The following NETO2 variants were observed in gnomAD, a reference collection of about 807,000 sequenced individuals.
The protein encoded by NETO2 is neuropilin and tolloid-like protein 2.
A neutral mutation model predicts 62.5 loss-of-function variants in NETO2; 28 were observed. That is an observed-to-expected ratio of 0.45 (90% CI 0.33 to 0.61). NETO2 has a LOEUF of 0.61. Ranked by LOEUF, NETO2 falls within the 20% of genes least tolerant of loss-of-function variation. The pLI is 0.02. For synonymous variants in NETO2, 214 were observed against 219.1 expected, an observed-to-expected ratio of 0.98 and a Z score of 0.21; for missense variants, 548 against 643.2, an observed-to-expected ratio of 0.85 and a Z score of 1.60.
intron 6 of NETO2, among the ~76,000 whole-genome samples, chr16:47,113,585 C>CTTT (rs953891691): frequency 2.1e-3 from 226 of 106,554 alleles, no homozygotes; most frequent in African/African-American, 2.4e-3. Context: ...ACAGTTTATT[C>CTTT]TTTTTTTTTT....
At chr16:47,114,439 CTTTTTTTTTTTT>C (rs33994080) in intron 6 of NETO2, among the ~76,000 whole-genome samples, 19 of 37,928 alleles carry the variant, frequency 5.0e-4, no homozygotes, top group Admixed American at 2.2e-3. Flanking sequence ...TTATAAATTT[CTTTTTTTTTTTT>C]TTTTTTTTTT....
At position 47,109,417 on chromosome 16, in the gene NETO2, T is replaced by C. The variant is rs574184898; in HGVS notation, c.883+66A>G. On this transcript the variant is annotated intron_variant, in intron 7 of 8. Transcript: ENST00000562435. ...ATAAATATTTTAAAAAAGTAAATGC[T>C]GAGTGTACTGTGAATGAGTGAAAAA... 588 of 1,050,852 alleles carry C rather than the reference T, an allele frequency of 5.6e-4. 1 individual carries two copies. The Middle Eastern group carries it at 7.8e-3, about 14-fold the overall frequency. The allele number at this position is 1,050,852 out of a possible 1,614,324, so 65.1% of individuals were successfully genotyped here. A position where few individuals can be genotyped will look rare whatever the true frequency, so the allele number is the denominator to read the frequency against.
rs35399829 is a variant in NETO2, at chr16:47,078,730, T to TA, written c.*4490dup. On this transcript the variant is annotated 3_prime_UTR_variant, in exon 9 of 9. Coordinates refer to ENST00000562435, the MANE Select transcript of NETO2 (RefSeq NM_018092.5). ...CTAGAATACACGTCTCCTTTAGATT[T>TA]AAAAAAGATCAAAAAAGCAAGAACA... 1 of 152,210 alleles carries TA rather than the reference T, an allele frequency of 6.6e-6. No individual in the cohort carries two copies. Among genetic ancestry groups the TA allele is most frequent in the East Asian group, 1.9e-4 (1 of 5,188 alleles). 9.4% of individuals were successfully genotyped at this position (152,210 alleles called of 1,614,324 possible).
intron 4 of NETO2, among the ~76,000 whole-genome samples, chr16:47,124,272 G>A (rs529538732): frequency 3.8e-4 from 58 of 152,210 alleles, no homozygotes; most frequent in Middle Eastern, 3.4e-3. Flanking sequence ...ACGGCATGGC[G>A]GAGGGGAATC....
Position 47,081,592 on chromosome 16 carries a change from T to C in NETO2, c.*1629A>G, listed in dbSNP as rs1318263973. On this transcript the variant is annotated 3_prime_UTR_variant, in exon 9 of 9. Transcript: ENST00000562435. ...ATTTTCACTAATCTGAGAAAACACA[T>C]ATATGTAATATTTAAAAGTTAATGA... The C allele has an allele frequency of 6.6e-6, 1 of 152,576 alleles. No individual in the cohort carries two copies. The highest frequency in any genetic ancestry group is 1.5e-5 in the Non-Finnish European group (1 of 67,984). 9.5% of individuals were successfully genotyped at this position (152,576 alleles called of 1,614,324 possible). A position where few individuals can be genotyped will look rare whatever the true frequency, so the allele number is the denominator to read the frequency against.
chr16:47,125,607 A>G (rs952284481), intron 4 of NETO2, among the ~76,000 whole-genome samples: 6 of 152,128 alleles, frequency 3.9e-5, no homozygotes, highest in African/African-American at 1.4e-4. Flanking sequence ...CAGCCTCCCA[A>G]AGTGCTGGGA....
intron 1 of NETO2, among the ~76,000 whole-genome samples, chr16:47,142,012 C>T (rs1366836324): frequency 1.3e-5 from 2 of 152,194 alleles, no homozygotes; most frequent in Non-Finnish European, 2.9e-5. Flanking sequence ...GCGATTTCAT[C>T]CGGGGGTGCT....
chr16:47,087,948 G>T (rs964655707), intron 7 of NETO2, among the ~76,000 whole-genome samples: 1 of 152,072 alleles, frequency 6.6e-6, no homozygotes, highest in African/African-American at 2.4e-5. Flanking sequence ...GCTTACTTCT[G>T]TTAGGAAATA....
chr16:47,136,875 T>C (rs899697740), intron 1 of NETO2, among the ~76,000 whole-genome samples: 1 of 151,976 alleles, frequency 6.6e-6, no homozygotes, highest in African/African-American at 2.4e-5. Context: ...GAATTATGTA[T>C]ATATTTTGAG....
At chr16:47,137,283 C>T (rs959354138) in intron 1 of NETO2, among the ~76,000 whole-genome samples, 4 of 152,200 alleles carry the variant, frequency 2.6e-5, no homozygotes, top group Non-Finnish European at 5.9e-5. Flanking sequence ...CTTTCAGAGA[C>T]TCTGATCCAC....
intron 1 of NETO2, among the ~76,000 whole-genome samples, chr16:47,142,487 GA>G (rs1032031421): frequency 6.6e-6 from 1 of 152,098 alleles, no homozygotes; most frequent in African/African-American, 2.4e-5. Context: ...TAGGGAGCAG[GA>G]AAAAAGTCAC....
At chr16:47,119,136 AT>A (rs1159306262) in intron 6 of NETO2, among the ~76,000 whole-genome samples, 3 of 149,216 alleles carry the variant, frequency 2.0e-5, no homozygotes, top group Non-Finnish European at 3.0e-5. Context: ...TTCTAATATT[AT>A]TTATGTTTTT....
intron 6 of NETO2, among the ~76,000 whole-genome samples, chr16:47,118,110 T>C (rs1031345794): frequency 2.0e-5 from 3 of 152,158 alleles, no homozygotes; most frequent in Non-Finnish European, 2.9e-5. Context: ...TGTTAAAAAA[T>C]CCCTGGAGAA....
At chr16:47,120,891 ATTTT>A (rs922484238) in intron 6 of NETO2, among the ~76,000 whole-genome samples, 5 of 149,054 alleles carry the variant, frequency 3.4e-5, no homozygotes, top group African/African-American at 9.9e-5. Flanking sequence ...AGTTCTTGAA[ATTTT>A]TTTTTTCTTT....
rs139949233 is a variant in NETO2, at chr16:47,084,405, CAGG to C, written c.998-607_998-605del. The stretch of plus-strand genomic sequence containing the variant: ...CACAGACAGGAACTGGGTATCACTG[CAGG>C]AGGTGAGCTGCGAGTGAGCGAGTGA... On this transcript the variant is annotated intron_variant, in intron 8 of 8. Coordinates refer to ENST00000562435, the MANE Select transcript of NETO2 (RefSeq NM_018092.5). 3.3e-3 allele frequency among the ~76,000 whole-genome samples: 508 copies of C among 152,330 alleles called. 1 individual carries two copies. The highest frequency in any genetic ancestry group is 0.012 in the African/African-American group (482 of 41,572).
chr16:47,094,220 A>G (rs1963377840), intron 7 of NETO2, among the ~76,000 whole-genome samples: 1 of 151,782 alleles, frequency 6.6e-6, no homozygotes, highest in South Asian at 2.1e-4. Context: ...ACTTATGATA[A>G]GCAAAATAAA....
chr16:47,125,975 A>C (rs1013108685), intron 4 of NETO2, among the ~76,000 whole-genome samples: 3 of 152,096 alleles, frequency 2.0e-5, no homozygotes, highest in African/African-American at 7.2e-5. Context: ...ACACCCATTA[A>C]ACATTAACTC....
intron 1 of NETO2, among the ~76,000 whole-genome samples, chr16:47,143,294 G>A (rs1964502778): frequency 6.6e-6 from 1 of 152,014 alleles, no homozygotes; most frequent in South Asian, 2.1e-4. Context: ...GGCCCTGCTG[G>A]GCCCAGGGGC....
intron 8 of NETO2, among the ~76,000 whole-genome samples, chr16:47,084,726 G>A (rs1963147454): frequency 6.6e-6 from 1 of 152,186 alleles, no homozygotes; most frequent in Non-Finnish European, 1.5e-5. Flanking sequence ...AGAAGCCCAA[G>A]TGCATGTGAG....
Sources: gnomAD v4.1 joint callset for allele counts (sites outside exome capture counted in the v4.1 genomes callset) on GRCh38, gnomAD v4.1.1 for gene constraint, MANE v1.5 for transcripts, NCBI Gene and HGNC (gene_info 2026-07-23, HGNC 2026-07-21) for gene names.